Variants in SLC5A1 observed in about 807,000 individuals in gnomAD.
The protein encoded by SLC5A1 is sodium/glucose cotransporter 1.
SLC5A1 carries 42 observed loss-of-function variants against 73.5 expected under a neutral mutation model. The ratio of observed to expected loss-of-function variants is 0.57; its 90% CI spans 0.45 to 0.74. The LOEUF (loss-of-function observed/expected upper bound fraction) is 0.74, where lower values mean the gene tolerates loss of function less well. SLC5A1 is among the 30% of genes least tolerant of loss of function. The probability of loss-of-function intolerance (pLI) is 0.00; values close to 1 mark genes in which losing one functional copy is unlikely to be tolerated. For synonymous variants in SLC5A1, 300 were observed against 317.4 expected (o/e 0.95, Z 0.58); for missense variants, 634 against 855.4 (o/e 0.74, Z 3.23).
rs2093933452 is a variant in SLC5A1 at position 32,043,771 on chromosome 22, T to C, written c.135+355T>C. ...CTCTGGGGCTTGGGAGATGAGCCTC[T>C]AGCAGGTGACTACTGTCCTACCTTT... On this transcript the variant is annotated intron_variant, in intron 1 of 14. Transcript: ENST00000266088. This position sits in a 1 kb window ranked among gnomAD's most constrained non-coding sequence, Gnocchi z 6.5. Among the ~76,000 whole-genome samples, 1 of 152,154 alleles carries C rather than the reference T, an allele frequency of 6.6e-6. No homozygotes were observed. Among genetic ancestry groups the C allele is most frequent in the South Asian group, 2.1e-4 (1 of 4,832 alleles).
In SLC5A1 at chr22:32,110,653, C is replaced by T. The variant is rs1460273409; in HGVS notation, c.*440C>T. On this transcript the variant is annotated 3_prime_UTR_variant, in exon 15 of 15. Coordinates refer to ENST00000266088, the MANE Select transcript of SLC5A1 (RefSeq NM_000343.4). ...TTTTTTTTTAAAAGAAAGCTGTTTTCCCCTCATCATATCCCTCTTGAGTTT... is the reference window on the plus strand; with the variant it reads ...TTTTTTTTTAAAAGAAAGCTGTTTTTCCCTCATCATATCCCTCTTGAGTTT... The T allele has an allele frequency of 3.5e-6, 1 of 288,888 alleles. No homozygotes were observed. Among genetic ancestry groups the T allele is most frequent in the Non-Finnish European group, 6.7e-6 (1 of 149,962 alleles). 17.9% of individuals were successfully genotyped at this position (288,888 alleles called of 1,614,324 possible).
intron 1 of SLC5A1, among the ~76,000 whole-genome samples, chr22:32,045,633 CATT>C (rs752681109): frequency 2.0e-5 from 3 of 152,218 alleles, no homozygotes; most frequent in Non-Finnish European, 2.9e-5. Context: ...TCTCTTCCAA[CATT>C]ATTTGGTTCT....
chr22:32,075,057 C>G (rs1006180447), intron 5 of SLC5A1, among the ~76,000 whole-genome samples: 2 of 150,664 alleles, frequency 1.3e-5, no homozygotes, highest in Non-Finnish European at 3.0e-5. Flanking sequence ...CCACCATGCC[C>G]AGCTATTTTT....
rs1379188562 is a variant in SLC5A1 at position 32,086,307 on chromosome 22, T to C, written c.1109T>C (p.Val370Ala). ...ACCAACATCGCCTATCCAACCTTAGTGGTGGAGCTCATGCCCAATGGTGAG... is the reference window on the plus strand; with the variant it reads ...ACCAACATCGCCTATCCAACCTTAGCGGTGGAGCTCATGCCCAATGGTGAG... ...GCTNIAYPTL[V>A]VELMPNGLRG... The change falls in exon 10 of 15, where the codon GTG (valine) becomes GCG (alanine). Residue 370 changes from valine to alanine, a missense_variant. Val to Ala is a moderately conservative substitution (Grantham distance 64). Transcript: ENST00000266088. 2 of 1,611,648 alleles carry C rather than the reference T, an allele frequency of 1.2e-6. No individual in the cohort carries two copies. The highest frequency in any genetic ancestry group is 1.1e-5 in the South Asian group (1 of 91,052).
chr22:32,104,960 G>T, intron 14 of SLC5A1, 69 bp downstream of exon 14: 2 of 1,106,912 alleles, frequency 1.8e-6, no homozygotes, highest in South Asian at 2.5e-5. Flanking sequence ...CTTTACTGAA[G>T]TTCTTCCCTA....
chr22:32,110,531 T>C lies in SLC5A1; in HGVS notation c.*318T>C. 2 of 425,278 alleles carry C rather than the reference T, an allele frequency of 4.7e-6. No individual in the cohort carries two copies. The highest frequency in any genetic ancestry group is 8.8e-6 in the Non-Finnish European group (2 of 227,422). 26.3% of individuals were successfully genotyped at this position (425,278 alleles called of 1,614,324 possible). On this transcript the variant is annotated 3_prime_UTR_variant, in exon 15 of 15. Coordinates refer to ENST00000266088, the MANE Select transcript of SLC5A1 (RefSeq NM_000343.4). ...CTGACGTGAGTCTGTCTCAGGTAGA[T>C]TCCGGGTGTCAGTGTGGTTTATAAT... is the stretch of plus-strand genomic sequence containing the variant.
intron 2 of SLC5A1, among the ~76,000 whole-genome samples, chr22:32,064,080 T>C (rs1405772153): frequency 1.3e-5 from 2 of 152,214 alleles, no homozygotes; most frequent in Non-Finnish European, 2.9e-5. Context: ...TAATAATTTC[T>C]GGTAATTATG....
Position 32,055,244 on chromosome 22 carries a change from A to T in SLC5A1, c.207+5230A>T, listed in dbSNP as rs911339184. 6.6e-5 allele frequency among the ~76,000 whole-genome samples: 10 copies of T among 152,256 alleles called. No individual in the cohort carries two copies. The Middle Eastern group carries it at 0.01, about 155-fold the overall frequency. On this transcript the variant is annotated intron_variant, in intron 2 of 14. Transcript: ENST00000266088. ...GAGGACCATTGTCCATGGGAATAGG[A>T]GTTGGCCGAGTAAATAGAGACTGTG...
intron 2 of SLC5A1, among the ~76,000 whole-genome samples, chr22:32,053,743 C>A (rs2093948025): frequency 6.6e-6 from 1 of 152,124 alleles, no homozygotes; most frequent in South Asian, 2.1e-4. Flanking sequence ...GGTGGTGAAA[C>A]TATCAGTTAA....
Position 32,102,010 on chromosome 22 carries a change from T to A in SLC5A1, c.1450-12T>A. 6.2e-7 allele frequency: 1 copy of A among 1,607,728 alleles called. No individual in the cohort carries two copies. On this transcript the variant is annotated splice_polypyrimidine_tract_variant and intron_variant, in intron 12 of 14. Transcript: ENST00000266088. ...TGTTCAGCATGAGTTAACCCAGGGTTTTCTTTCACAGGGAGCCTTTTGGGG... is the reference window on the plus strand; with the variant it reads ...TGTTCAGCATGAGTTAACCCAGGGTATTCTTTCACAGGGAGCCTTTTGGGG...
At chr22:32,051,340 C>CA (rs1239384322) in intron 2 of SLC5A1, among the ~76,000 whole-genome samples, 1 of 152,138 alleles carries the variant, frequency 6.6e-6, no homozygotes, top group Non-Finnish European at 1.5e-5. Context: ...TAAGGAATCT[C>CA]AAAGGCTCTT....
rs746505648 is a variant in SLC5A1, at chr22:32,099,372, T to C, written c.1449+21T>C. 2.2e-5 allele frequency: 36 copies of C among 1,605,110 alleles called. No homozygotes were observed. The South Asian group carries it at 3.4e-4, about 15-fold the overall frequency. ...AGCCAGTAGGTATCATCTGGGCATG[T>C]CCAGAAAAGTCATTCTGGCATAGAA... On this transcript the variant is annotated intron_variant, in intron 12 of 14. Transcript: ENST00000266088.
rs1024250544 is a variant in SLC5A1 at position 32,046,968 on chromosome 22, A to G, written c.136-2975A>G. ...CACAGAACAATGATTTTCTGTGCACAAGGCATTATGCCCAAAGCATTATGT... is the reference window on the plus strand; with the variant it reads ...CACAGAACAATGATTTTCTGTGCACGAGGCATTATGCCCAAAGCATTATGT... On this transcript the variant is annotated intron_variant, in intron 1 of 14. Coordinates refer to ENST00000266088, the MANE Select transcript of SLC5A1 (RefSeq NM_000343.4). Among the ~76,000 whole-genome samples, 5 of 152,252 alleles carry G rather than the reference A, an allele frequency of 3.3e-5. No individual in the cohort carries two copies. In the South Asian group the frequency reaches 8.3e-4, roughly 25 times the overall value.
intron 2 of SLC5A1, among the ~76,000 whole-genome samples, chr22:32,057,452 G>A (rs1220085580): frequency 6.6e-6 from 1 of 152,068 alleles, no homozygotes; most frequent in Non-Finnish European, 1.5e-5. Flanking sequence ...TTTTTGGAGA[G>A]ATGGGGTCTC....
rs1260144685 is a variant in SLC5A1, at chr22:32,081,939, T to A, written c.551T>A (p.Leu184Ter). Residue 184 changes from leucine (L) to a stop codon, truncating the protein, a stop_gained, in exon 6 of 15, where the codon TTA becomes TAA. Transcript: ENST00000266088. LOFTEE classifies it high-confidence loss of function. ...GLNLYLAIFL[L>*]LAITALYTIT... ...AATCTGTATTTAGCCATCTTTCTCT[T>A]ATTGGCAATCACTGCCCTTTACACA... The A allele has an allele frequency of 1.2e-6, 2 of 1,613,294 alleles. No individual in the cohort carries two copies. Among genetic ancestry groups the A allele is most frequent in the Non-Finnish European group, 1.7e-6 (2 of 1,179,356 alleles).
At chr22:32,094,681 G>GT (rs1207174903) in intron 11 of SLC5A1, among the ~76,000 whole-genome samples, 1 of 152,066 alleles carries the variant, frequency 6.6e-6, no homozygotes, top group Non-Finnish European at 1.5e-5. Context: ...GGTGTCAGTT[G>GT]TAATATCTTC....
At chr22:32,054,041 CAG>C (rs2093948427) in intron 2 of SLC5A1, among the ~76,000 whole-genome samples, 1 of 152,076 alleles carries the variant, frequency 6.6e-6, no homozygotes, top group Non-Finnish European at 1.5e-5. Flanking sequence ...GGCGTGGTGG[CAG>C]GTGCCTGTAA....
chr22:32,062,738 A>G (rs1034227738), intron 2 of SLC5A1, among the ~76,000 whole-genome samples: 1 of 152,156 alleles, frequency 6.6e-6, no homozygotes, highest in Non-Finnish European at 1.5e-5. Flanking sequence ...TGAGGAGTGG[A>G]CAGAGAAAAT....
At chr22:32,066,425 A>G (rs1076905) in intron 2 of SLC5A1, among the ~76,000 whole-genome samples, 5,940 of 152,228 alleles carry the variant, frequency 0.039, 139 homozygotes, top group South Asian at 0.09. Flanking sequence ...CATCAGCTCC[A>G]CGCCCCTCCT....
Sources: gnomAD v4.1 joint callset for allele counts (sites outside exome capture counted in the v4.1 genomes callset) on GRCh38, gnomAD v4.1.1 for gene constraint, Gnocchi (gnomAD v3.1) non-coding constraint, MANE v1.5 for transcripts, NCBI Gene and HGNC (gene_info 2026-07-23, HGNC 2026-07-21) for gene names.